The following NELL1 variants were observed in gnomAD, a reference collection of about 807,000 sequenced individuals.
The protein encoded by NELL1 is protein kinase C-binding protein NELL1.
A neutral mutation model predicts 107.4 loss-of-function variants in NELL1; 76 were observed. The observed-to-expected ratio is 0.71, with a 90% CI of 0.59 to 0.86. The LOEUF (loss-of-function observed/expected upper bound fraction) is 0.86, where lower values mean the gene tolerates loss of function less well. Among genes scored for constraint, NELL1 ranks in the 40% least tolerant of loss-of-function variants. The pLI, the probability that NELL1 is intolerant of heterozygous loss-of-function variation, is 0.00. For missense variants in NELL1, 1,024 were observed against 1,005.5 expected (o/e 1.02, Z -0.25); for synonymous variants, 353 against 341.2 (o/e 1.03, Z -0.38).
chr11:20,993,987 T>C (rs1180422070), intron 12 of NELL1, among the ~76,000 whole-genome samples: 1 of 152,230 alleles, frequency 6.6e-6, no homozygotes, highest in Non-Finnish European at 1.5e-5. Flanking sequence ...AATATTCCTT[T>C]ATATTTTCAA....
At chr11:21,315,667 C>T (rs964987106) in intron 14 of NELL1, among the ~76,000 whole-genome samples, 1 of 152,090 alleles carries the variant, frequency 6.6e-6, no homozygotes, top group Non-Finnish European at 1.5e-5. Flanking sequence ...GAATGATTGC[C>T]ACATTTATGG....
At chr11:20,741,231 T>C (rs544454350) in intron 2 of NELL1, among the ~76,000 whole-genome samples, 1 of 152,236 alleles carries the variant, frequency 6.6e-6, no homozygotes, top group Admixed American at 6.5e-5. Context: ...TTCTCGCCCC[T>C]CATAGTGTTT....
At chr11:21,041,598 G>T (rs945488686) in intron 12 of NELL1, among the ~76,000 whole-genome samples, 1 of 152,132 alleles carries the variant, frequency 6.6e-6, no homozygotes, top group African/African-American at 2.4e-5. Context: ...GCAGAAGTGG[G>T]ATTTGAGCTC....
chr11:21,109,837 T>A (rs564964982), intron 12 of NELL1, among the ~76,000 whole-genome samples: 61 of 152,262 alleles, frequency 4.0e-4, no homozygotes, highest in African/African-American at 1.1e-3. Context: ...CCTTTTTTAC[T>A]CCGTTTATAA....
At chr11:21,153,130 G>A (rs148270482) in intron 13 of NELL1, among the ~76,000 whole-genome samples, 186 of 152,162 alleles carry the variant, frequency 1.2e-3, no homozygotes, top group African/African-American at 4.3e-3. Flanking sequence ...TTTAGTCTAG[G>A]CATTTAAAAT....
chr11:20,964,622 T>A (rs767515778), intron 12 of NELL1, among the ~76,000 whole-genome samples: 2 of 152,168 alleles, frequency 1.3e-5, no homozygotes, highest in Non-Finnish European at 2.9e-5. Flanking sequence ...ACTCTAGAGC[T>A]TTCTGCCTGA....
intron 15 of NELL1, among the ~76,000 whole-genome samples, chr11:21,505,976 T>C (rs1466687419): frequency 1.3e-5 from 2 of 152,182 alleles, no homozygotes; most frequent in African/African-American, 4.8e-5. Flanking sequence ...AAACCCAAAA[T>C]ATCTGTTTAG....
intron 12 of NELL1, among the ~76,000 whole-genome samples, chr11:21,039,984 A>G (rs1212670660): frequency 6.6e-6 from 1 of 152,174 alleles, no homozygotes; most frequent in African/African-American, 2.4e-5. Context: ...TACCAATACA[A>G]AAGTAACATG....
At chr11:21,176,993 T>A (rs997892998) in intron 13 of NELL1, among the ~76,000 whole-genome samples, 2 of 151,828 alleles carry the variant, frequency 1.3e-5, no homozygotes, top group Non-Finnish European at 2.9e-5. Flanking sequence ...AATAATTGTG[T>A]ATATTTGTGG....
chr11:21,026,696 T>G (rs1852822099), intron 12 of NELL1, among the ~76,000 whole-genome samples: 1 of 152,188 alleles, frequency 6.6e-6, no homozygotes, highest in Non-Finnish European at 1.5e-5. Flanking sequence ...GTATTTACTT[T>G]GTGTAAGGCA....
At chr11:21,240,410 A>T (rs981077451) in intron 14 of NELL1, among the ~76,000 whole-genome samples, 1 of 151,974 alleles carries the variant, frequency 6.6e-6, no homozygotes, top group Non-Finnish European at 1.5e-5. Context: ...CTTAATTCCA[A>T]TTTAGTTCTA....
At chr11:21,509,724 TAGAC>T (rs1022958665) in intron 15 of NELL1, among the ~76,000 whole-genome samples, 5 of 152,176 alleles carry the variant, frequency 3.3e-5, no homozygotes, top group African/African-American at 1.2e-4. Flanking sequence ...TGTCATCAGA[TAGAC>T]ATGAAAAGAC....
chr11:20,785,270 G>A (rs1856931125), intron 3 of NELL1, among the ~76,000 whole-genome samples: 1 of 152,224 alleles, frequency 6.6e-6, no homozygotes, highest in Admixed American at 6.5e-5. Context: ...TCAAAGCGTG[G>A]TGATGGACCC....
intron 12 of NELL1, among the ~76,000 whole-genome samples, chr11:21,025,863 T>C (rs1048294582): frequency 6.6e-6 from 1 of 152,218 alleles, no homozygotes; most frequent in Non-Finnish European, 1.5e-5. Context: ...AACCTGCATC[T>C]TCTTTAGTCT....
At chr11:21,088,343 A>G (rs1036861685) in intron 12 of NELL1, among the ~76,000 whole-genome samples, 1 of 152,134 alleles carries the variant, frequency 6.6e-6, no homozygotes, top group South Asian at 2.1e-4. Flanking sequence ...TCTCATTATC[A>G]TAATTACTAT....
intron 16 of NELL1, among the ~76,000 whole-genome samples, chr11:21,537,328 C>A (rs1856164187): frequency 6.6e-6 from 1 of 152,038 alleles, no homozygotes; most frequent in Admixed American, 6.6e-5. Flanking sequence ...TGATATTGTT[C>A]CTGCCTGCTT....
intron 2 of NELL1, among the ~76,000 whole-genome samples, chr11:20,736,487 A>G (rs75589159): frequency 0.032 from 4,865 of 152,186 alleles, 251 homozygotes; most frequent in African/African-American, 0.11. Context: ...GGTTTAGGAT[A>G]ATCTTTAAGT....
intron 3 of NELL1, among the ~76,000 whole-genome samples, chr11:20,809,107 G>A (rs1185735255): frequency 6.6e-6 from 1 of 152,132 alleles, no homozygotes; most frequent in African/African-American, 2.4e-5. Flanking sequence ...ATTTGAAATA[G>A]GATTGGAAGG....
intron 16 of NELL1, among the ~76,000 whole-genome samples, chr11:21,551,489 C>T (rs1856582150): frequency 6.6e-6 from 1 of 151,628 alleles, no homozygotes; most frequent in Admixed American, 6.6e-5. Flanking sequence ...CATGAACAGA[C>T]ACTTCTCAAA....
Sources: gnomAD v4.1 joint callset for allele counts (sites outside exome capture counted in the v4.1 genomes callset) on GRCh38, gnomAD v4.1.1 for gene constraint, MANE v1.5 for transcripts, NCBI Gene and HGNC (gene_info 2026-07-23, HGNC 2026-07-21) for gene names.